TENM4: variants seen among roughly 807,000 people sequenced by gnomAD.
TENM4 encodes teneurin transmembrane protein 4.
Under a neutral mutation model 243.3 loss-of-function variants are expected in TENM4, and 82 were observed. That is an observed-to-expected ratio of 0.34 (90% CI 0.28 to 0.40). TENM4 has a LOEUF of 0.40. TENM4 is among the 10% of genes least tolerant of loss of function. TENM4 has a pLI of 1.00. For synonymous variants in TENM4, 1,412 were observed against 1,456.3 expected (o/e 0.97, Z 0.69); for missense variants, 3,138 against 3,673.3 (o/e 0.85, Z 3.77).
At chr11:79,361,735 T>C (rs149597119) in intron 1 of TENM4, among the ~76,000 whole-genome samples, 2 of 152,180 alleles carry the variant, frequency 1.3e-5, no homozygotes, top group African/African-American at 4.8e-5. Context: ...ATTTAAACTG[T>C]GTGTTATAGA....
chr11:79,347,762 CTTTTTTTTTTTTTTT>C (rs528675032), intron 1 of TENM4, among the ~76,000 whole-genome samples: 1 of 94,692 alleles, frequency 1.1e-5, no homozygotes, highest in Non-Finnish European at 2.0e-5. Flanking sequence ...CTATCCTCTC[CTTTTTTTTTTTTTTT>C]TTTTTTTTTT....
intron 6 of TENM4, among the ~76,000 whole-genome samples, chr11:78,918,619 C>T (rs1016109124): frequency 2.0e-5 from 3 of 152,094 alleles, no homozygotes; most frequent in Middle Eastern, 3.2e-3. Flanking sequence ...GAAAATGTCT[C>T]TTGACAATGT....
chr11:79,321,684 A>G (rs919096874), intron 1 of TENM4, among the ~76,000 whole-genome samples: 7 of 151,358 alleles, frequency 4.6e-5, no homozygotes, highest in Non-Finnish European at 1.0e-4. Context: ...AACTTGGGAC[A>G]TGCCAAAGGG....
Position 78,673,281 on chromosome 11 carries a change from G to GC in TENM4, c.5497-953dup, listed in dbSNP as rs893058618. Among the ~76,000 whole-genome samples, 76 of 152,146 alleles carry GC rather than the reference G, an allele frequency of 5.0e-4. 1 individual carries two copies. The highest frequency in any genetic ancestry group is 2.8e-3 in the Admixed American group (43 of 15,278). On this transcript the variant is annotated intron_variant, in intron 30 of 33. Coordinates refer to ENST00000278550, the MANE Select transcript of TENM4 (RefSeq NM_001098816.3). ...TGGATCTGCCCTGTAGGCATTGGTG[G>GC]CCCCTGAAATATTGCCAGGTATTCT... is the stretch of plus-strand genomic sequence containing the variant.
At chr11:79,257,572 G>A (rs1299778220) in intron 2 of TENM4, among the ~76,000 whole-genome samples, 2 of 152,098 alleles carry the variant, frequency 1.3e-5, no homozygotes, top group South Asian at 4.1e-4. Context: ...AGGGTGGAGG[G>A]GCCCACAGCT....
intron 3 of TENM4, among the ~76,000 whole-genome samples, chr11:79,214,998 C>T (rs1023755219): frequency 5.3e-5 from 8 of 152,200 alleles, no homozygotes; most frequent in African/African-American, 1.9e-4. Context: ...TAAAAAGACT[C>T]ATATTTCTAT....
intron 9 of TENM4, among the ~76,000 whole-genome samples, chr11:78,867,101 A>C (rs955909749): frequency 6.6e-6 from 1 of 152,218 alleles, no homozygotes; most frequent in African/African-American, 2.4e-5. Context: ...TTTGTGTTAC[A>C]AACAATCCAA....
chr11:79,423,102 A>T (rs1442979546), intron 1 of TENM4, among the ~76,000 whole-genome samples: 1 of 152,144 alleles, frequency 6.6e-6, no homozygotes, highest in Non-Finnish European at 1.5e-5. Context: ...AAGGAGTCCC[A>T]TGCCATTGGC....
intron 6 of TENM4, among the ~76,000 whole-genome samples, chr11:79,048,777 G>A (rs1380170735): frequency 6.6e-6 from 1 of 152,122 alleles, no homozygotes; most frequent in Non-Finnish European, 1.5e-5. Context: ...ATCAAACGGG[G>A]ATCCTGACTC....
At chr11:79,397,954 A>G (rs559861012) in intron 1 of TENM4, among the ~76,000 whole-genome samples, 13 of 152,340 alleles carry the variant, frequency 8.5e-5, no homozygotes, top group Non-Finnish European at 1.6e-4. Flanking sequence ...GAGTTTTCTC[A>G]TTAAATTTGT....
intron 6 of TENM4, among the ~76,000 whole-genome samples, chr11:78,979,480 T>A (rs2136617417): frequency 6.6e-6 from 1 of 152,266 alleles, no homozygotes; most frequent in East Asian, 1.9e-4. Context: ...AGCCTAAAGG[T>A]GAACCAGGAG....
At chr11:78,888,400 AG>A (rs2136289154) in intron 9 of TENM4, among the ~76,000 whole-genome samples, 2 of 152,332 alleles carry the variant, frequency 1.3e-5, no homozygotes, top group South Asian at 4.1e-4. Context: ...AATATTCAGA[AG>A]GGGAAAAGAG....
chr11:79,191,764 C>T (rs1294420143), intron 3 of TENM4: 2 of 191,956 alleles, frequency 1.0e-5, no homozygotes, highest in African/African-American at 4.8e-5. Context: ...TGAGGAGCGC[C>T]TCGTCCCGGC....
chr11:79,439,844 AC>A (rs1426649375), intron 1 of TENM4, among the ~76,000 whole-genome samples: 4 of 152,086 alleles, frequency 2.6e-5, no homozygotes. Flanking sequence ...TCACACTCAC[AC>A]CCGGGAGCCC....
rs150030046 is a variant in TENM4 at position 79,192,622 on chromosome 11, C to G, written c.-163+23186G>C. Among the ~76,000 whole-genome samples the G allele has an allele frequency of 5.9e-3, 894 of 152,150 alleles. 11 individuals carry two copies. Among genetic ancestry groups the G allele is most frequent in the South Asian group, 0.018 (85 of 4,818 alleles). On this transcript the variant is annotated intron_variant, in intron 3 of 33. Coordinates refer to ENST00000278550, the MANE Select transcript of TENM4 (RefSeq NM_001098816.3). The stretch of plus-strand genomic sequence containing the variant: ...CCCTAATCTCAAGTACCCAGGGACA[C>G]AAACACTCTGCCTAGGAAAACCAGA...
intron 6 of TENM4, among the ~76,000 whole-genome samples, chr11:78,999,505 G>C (rs910984490): frequency 6.6e-6 from 1 of 151,962 alleles, no homozygotes; most frequent in African/African-American, 2.4e-5. Flanking sequence ...GACAGAGCGG[G>C]ACTCCATCTC....
At chr11:79,331,418 G>C (rs1857060302) in intron 1 of TENM4, among the ~76,000 whole-genome samples, 1 of 152,102 alleles carries the variant, frequency 6.6e-6, no homozygotes, top group Non-Finnish European at 1.5e-5. Flanking sequence ...GTAAAACAAA[G>C]GCACAACAGA....
At chr11:78,847,402 G>A (rs1858422598) in intron 12 of TENM4, among the ~76,000 whole-genome samples, 1 of 152,212 alleles carries the variant, frequency 6.6e-6, no homozygotes, top group Non-Finnish European at 1.5e-5. Flanking sequence ...ACAGTGGGGA[G>A]CCCTGCCCTT....
At chr11:78,690,215 C>T (rs748553020) in intron 28 of TENM4, among the ~76,000 whole-genome samples, 5 of 152,134 alleles carry the variant, frequency 3.3e-5, no homozygotes, top group South Asian at 2.1e-4. Flanking sequence ...TTCTGAGAGA[C>T]GGCGGCTAGG....
Sources: allele counts gnomAD v4.1 joint callset (sites outside exome capture counted in the v4.1 genomes callset), GRCh38; gene constraint gnomAD v4.1.1; transcripts MANE v1.5; gene names NCBI Gene and HGNC (gene_info 2026-07-23, HGNC 2026-07-21).